Variants in CSNK1E observed in about 807,000 individuals in gnomAD.
CSNK1E encodes casein kinase I isoform epsilon.
CSNK1E carries 17 observed loss-of-function variants against 46.1 expected under a neutral mutation model. The observed-to-expected ratio is 0.37, with a 90% CI of 0.25 to 0.55. CSNK1E has a LOEUF of 0.55. Ranked by LOEUF, CSNK1E falls within the 20% of genes least tolerant of loss-of-function variation. The pLI is 0.82. For missense variants in CSNK1E, 386 were observed against 595.4 expected (o/e 0.65, Z 3.66); for synonymous variants, 241 against 242.6 (o/e 0.99, Z 0.06).
chr22:38,302,959 T>C lies in CSNK1E; in HGVS notation c.238A>G (p.Met80Val), dbSNP rs2092680846. 1 of 1,614,110 alleles carries C rather than the reference T, an allele frequency of 6.2e-7. No individual in the cohort carries two copies. Among genetic ancestry groups the C allele is most frequent in the African/African-American group, 1.3e-5 (1 of 75,044 alleles). The change falls in exon 4 of 11, where the codon ATG (methionine) becomes GTG (valine). Residue 80 changes from methionine (M) to valine (V), a missense_variant. Met to Val is a conservative substitution (Grantham distance 21). Coordinates refer to ENST00000396832, the MANE Select transcript of CSNK1E (RefSeq NM_152221.3). Reference sequence around the variant, plus strand: ...CTAGGCCCCAGCAGCTCCATGACCATCACGTTGTAGTCGCCCTCAGCTCCG... The same window carrying C: ...CTAGGCCCCAGCAGCTCCATGACCACCACGTTGTAGTCGCCCTCAGCTCCG... ...WCGAEGDYNV[M>V]VMELLGPSLE...
In CSNK1E at chr22:38,303,543, GCTCACAGAC is replaced by G. The variant is rs1222832019; in HGVS notation, c.77-304_77-296del. Among the ~76,000 whole-genome samples, 1 of 152,198 alleles carries G rather than the reference GCTCACAGAC, an allele frequency of 6.6e-6. No homozygotes were observed. Among genetic ancestry groups the G allele is most frequent in the Non-Finnish European group, 1.5e-5 (1 of 68,024 alleles). On this transcript the variant is annotated intron_variant, in intron 2 of 10. Coordinates refer to ENST00000396832, the MANE Select transcript of CSNK1E (RefSeq NM_152221.3). The surrounding 1 kb of genome is among the most constrained non-coding windows in gnomAD (Gnocchi z 4.7). ...GGGGCAAGGGTCAGGTATGCAAAAG[GCTCACAGAC>G]CACCTAAGGGAGGGGGCTGAGTCCT... is the stretch of plus-strand genomic sequence containing the variant.
intron 1 of CSNK1E, chr22:38,316,747 C>G (rs979172031): frequency 1.3e-5 from 2 of 152,190 alleles, no homozygotes; most frequent in Non-Finnish European, 2.9e-5. Flanking sequence ...GCCGGGAGAG[C>G]AGGGGGCGCC....
At chr22:38,306,321 T>C (rs1384851776) in intron 2 of CSNK1E, among the ~76,000 whole-genome samples, 1 of 152,216 alleles carries the variant, frequency 6.6e-6, no homozygotes, top group African/African-American at 2.4e-5. Flanking sequence ...AAGTTGCAAT[T>C]TCTTTCAACA....
chr22:38,314,387 G>A (rs1028636401), intron 1 of CSNK1E, among the ~76,000 whole-genome samples: 4 of 152,218 alleles, frequency 2.6e-5, no homozygotes, highest in Non-Finnish European at 5.9e-5. Flanking sequence ...AGAGGAAGCA[G>A]CCAAGCAAGC....
At chr22:38,296,339 G>A in intron 7 of CSNK1E, 1 of 1,354,462 alleles carries the variant, frequency 7.4e-7, no homozygotes, top group Admixed American at 3.4e-5. Context: ...CTGGACCTCG[G>A]AACACAGTGG....
rs369259063 is a variant in CSNK1E, at chr22:38,294,300, C to T, written c.1078+42G>A. On this transcript the variant is annotated intron_variant, in intron 8 of 10. Transcript: ENST00000396832. This position sits in a 1 kb window ranked among gnomAD's most constrained non-coding sequence, Gnocchi z 5.5. ...CAGAGTAGGCACAAACAGAGCCCCC[C>T]ACCCACCCTGAACCCAGCCCACTGC... is the stretch of plus-strand genomic sequence containing the variant. 1.3e-6 allele frequency: 2 copies of T among 1,597,140 alleles called. No individual in the cohort carries two copies. Among genetic ancestry groups the T allele is most frequent in the South Asian group, 2.2e-5 (2 of 89,598 alleles).
At chr22:38,314,628 T>C (rs2092735642) in intron 1 of CSNK1E, among the ~76,000 whole-genome samples, 1 of 152,136 alleles carries the variant, frequency 6.6e-6, no homozygotes, top group African/African-American at 2.4e-5. Context: ...CCCTCGACCA[T>C]CCACCTTCCA....
chr22:38,316,517 A>C (rs1305213169), intron 1 of CSNK1E: 1 of 152,256 alleles, frequency 6.6e-6, no homozygotes, highest in Non-Finnish European at 1.5e-5. Flanking sequence ...CGACACCCAG[A>C]CACTGTTTTG....
chr22:38,298,771 C>T lies in CSNK1E; in HGVS notation c.885+15G>A, dbSNP rs1390611094. 6.2e-7 allele frequency: 1 copy of T among 1,613,908 alleles called. No individual in the cohort carries two copies. The highest frequency in any genetic ancestry group is 2.2e-5 in the East Asian group (1 of 44,866). On this transcript the variant is annotated intron_variant, in intron 7 of 10. Transcript: ENST00000396832. The surrounding 1 kb of genome is among the most constrained non-coding windows in gnomAD (Gnocchi z 4.2). ...TCCAGTCCCCCAAGCCCGCCTTGGC[C>T]TCCAGGTGACTCACGAATTTCAGCA...
intron 2 of CSNK1E, among the ~76,000 whole-genome samples, chr22:38,310,643 G>C (rs2145849205): frequency 6.6e-6 from 1 of 152,354 alleles, no homozygotes; most frequent in Admixed American, 6.5e-5. Context: ...TGCAAGTCTA[G>C]CAAATGGGCC....
In CSNK1E at chr22:38,298,736, G is replaced by A. The variant is rs781582853; in HGVS notation, c.885+50C>T. 1 of 1,608,118 alleles carries A rather than the reference G, an allele frequency of 6.2e-7. No individual in the cohort carries two copies. Among genetic ancestry groups the A allele is most frequent in the South Asian group, 1.1e-5 (1 of 90,806 alleles). On this transcript the variant is annotated intron_variant, in intron 7 of 10. Coordinates refer to ENST00000396832, the MANE Select transcript of CSNK1E (RefSeq NM_152221.3). The surrounding 1 kb of genome is among the most constrained non-coding windows in gnomAD (Gnocchi z 4.2). The stretch of plus-strand genomic sequence containing the variant: ...GCTCACTCTGGCCCTCTGAGTCAGG[G>A]CCTTCCCCATCCAGTCCCCCAAGCC...
chr22:38,307,111 C>T (rs114738877), intron 2 of CSNK1E, among the ~76,000 whole-genome samples: 327 of 152,162 alleles, frequency 2.1e-3, no homozygotes, highest in African/African-American at 7.3e-3. Flanking sequence ...GTCAAGGTTG[C>T]GGTGAGCTAT....
Position 38,299,926 on chromosome 22 carries a change from C to G in CSNK1E, c.705G>C (p.Thr235=). The part of the protein sequence containing the change: ...YERISEKKMS[T]PIEVLCKGYP... ...AGCCTTTGCAGAGGACCTCGATGGG[C>G]GTTGACATCTTCTTCTCGCTGATCC... Residue 235 remains threonine (T), a synonymous_variant, in exon 6 of 11, where the codon ACG becomes ACC. Transcript: ENST00000396832. The G allele has an allele frequency of 6.2e-7, 1 of 1,614,158 alleles. No individual in the cohort carries two copies. The highest frequency in any genetic ancestry group is 2.2e-5 in the East Asian group (1 of 44,890).
chr22:38,304,467 C>T lies in CSNK1E; in HGVS notation c.77-1219G>A, dbSNP rs147248046. ...TTGGGTGAAGCTGAACATAAACAAA[C>T]GCTCGCCCAAGCAACCCCACTCCTG... On this transcript the variant is annotated intron_variant, in intron 2 of 10. Coordinates refer to ENST00000396832, the MANE Select transcript of CSNK1E (RefSeq NM_152221.3). 1.7e-3 allele frequency among the ~76,000 whole-genome samples: 263 copies of T among 152,268 alleles called. 1 individual carries two copies. Among genetic ancestry groups the T allele is most frequent in the African/African-American group, 6.2e-3 (256 of 41,536 alleles).
intron 2 of CSNK1E, among the ~76,000 whole-genome samples, chr22:38,307,112 G>A (rs556247676): frequency 3.3e-5 from 5 of 151,800 alleles, no homozygotes; most frequent in Admixed American, 6.6e-5. Context: ...TCAAGGTTGC[G>A]GTGAGCTATG....
At chr22:38,302,153 C>T (rs2092676030) in intron 4 of CSNK1E, among the ~76,000 whole-genome samples, 1 of 152,160 alleles carries the variant, frequency 6.6e-6, no homozygotes, top group African/African-American at 2.4e-5. Context: ...CACCTACGGT[C>T]ACTGGTCTGG....
At chr22:38,314,818 G>A (rs2092736640) in intron 1 of CSNK1E, among the ~76,000 whole-genome samples, 1 of 152,204 alleles carries the variant, frequency 6.6e-6, no homozygotes, top group Non-Finnish European at 1.5e-5. Flanking sequence ...TGGGTGGGAG[G>A]AGGAGTTCTG....
In CSNK1E at chr22:38,303,262, G is replaced by C. The variant is rs1211016238; in HGVS notation, c.77-14C>G. 1 of 1,584,432 alleles carries C rather than the reference G, an allele frequency of 6.3e-7. No individual in the cohort carries two copies. Among genetic ancestry groups the C allele is most frequent in the African/African-American group, 1.3e-5 (1 of 74,776 alleles). On this transcript the variant is annotated splice_polypyrimidine_tract_variant and intron_variant, in intron 2 of 10. Coordinates refer to ENST00000396832, the MANE Select transcript of CSNK1E (RefSeq NM_152221.3). This position sits in a 1 kb window ranked among gnomAD's most constrained non-coding sequence, Gnocchi z 4.7. Reference sequence around the variant, plus strand: ...CGATGTTGGCACCTGCCCGGGGCAGGGAGGCAAGGGACCAGGGTCACCCTC... The same window carrying C: ...CGATGTTGGCACCTGCCCGGGGCAGCGAGGCAAGGGACCAGGGTCACCCTC...
At position 38,294,585 on chromosome 22, in the gene CSNK1E, C is replaced by T; in HGVS notation, c.886-51G>A. ...AGTCAGCCCCAGAGGCCAGGGTGCTCTGGGCCCAGCAGCCCTGCAGGGCAC... is the reference window on the plus strand; with the variant it reads ...AGTCAGCCCCAGAGGCCAGGGTGCTTTGGGCCCAGCAGCCCTGCAGGGCAC... On this transcript the variant is annotated intron_variant, in intron 7 of 10. Coordinates refer to ENST00000396832, the MANE Select transcript of CSNK1E (RefSeq NM_152221.3). This position sits in a 1 kb window ranked among gnomAD's most constrained non-coding sequence, Gnocchi z 5.5. 1 of 1,513,288 alleles carries T rather than the reference C, an allele frequency of 6.6e-7. No individual in the cohort carries two copies. The highest frequency in any genetic ancestry group is 8.8e-7 in the Non-Finnish European group (1 of 1,130,026). The allele number at this position is 1,513,288 out of a possible 1,614,324, so 93.7% of individuals were successfully genotyped here.
Sources: allele counts gnomAD v4.1 joint callset (sites outside exome capture counted in the v4.1 genomes callset), GRCh38; gene constraint gnomAD v4.1.1; non-coding constraint Gnocchi (gnomAD v3.1); transcripts MANE v1.5; gene names NCBI Gene and HGNC (gene_info 2026-07-23, HGNC 2026-07-21).